The following PTPRD variants were observed in gnomAD, a reference collection of about 807,000 sequenced individuals.
The protein encoded by PTPRD is receptor-type tyrosine-protein phosphatase delta.
In PTPRD, 34 loss-of-function variants were observed where a neutral mutation model predicts 214.5. That is an observed-to-expected ratio of 0.16 (90% CI 0.12 to 0.21). The LOEUF (loss-of-function observed/expected upper bound fraction) is 0.21, where lower values mean the gene tolerates loss of function less well. PTPRD is among the 10% of genes least tolerant of loss of function. The probability of loss-of-function intolerance (pLI) is 1.00; values close to 1 mark genes in which losing one functional copy is unlikely to be tolerated. For synonymous variants in PTPRD, 1,128 were observed against 845.7 expected, an observed-to-expected ratio of 1.33 and a Z score of -5.79; for missense variants, 2,545 against 2,398.7, an observed-to-expected ratio of 1.06 and a Z score of -1.27.
intron 33 of PTPRD, among the ~76,000 whole-genome samples, chr9:8,450,648 T>C (rs1370947556): frequency 6.6e-6 from 1 of 152,190 alleles, no homozygotes; most frequent in East Asian, 1.9e-4. Flanking sequence ...CTAAAAGCTA[T>C]CTACTAGCTT....
intron 44 of PTPRD, among the ~76,000 whole-genome samples, chr9:8,331,140 A>G (rs1428195228): frequency 6.6e-6 from 1 of 152,174 alleles, no homozygotes; most frequent in African/African-American, 2.4e-5. Context: ...GAGGTACCAT[A>G]CTAAGCACTT....
chr9:10,081,666 C>G (rs1391582278), intron 3 of PTPRD, among the ~76,000 whole-genome samples: 2 of 152,020 alleles, frequency 1.3e-5, no homozygotes, highest in African/African-American at 4.8e-5. Context: ...ACCACCCAGT[C>G]TATGGTGCTT....
chr9:8,795,072 C>T (rs7032107), intron 11 of PTPRD, among the ~76,000 whole-genome samples: 12 of 151,928 alleles, frequency 7.9e-5, no homozygotes, highest in Non-Finnish European at 1.8e-4. Context: ...TCAAATCTTC[C>T]GCATTCATTT....
intron 3 of PTPRD, among the ~76,000 whole-genome samples, chr9:10,274,383 G>A (rs1032909017): frequency 2.0e-5 from 3 of 152,130 alleles, no homozygotes; most frequent in Non-Finnish European, 2.9e-5. Flanking sequence ...ATGACAACAG[G>A]AGGCTGTCTC....
intron 8 of PTPRD, among the ~76,000 whole-genome samples, chr9:9,492,171 G>A (rs1284312005): frequency 6.6e-6 from 1 of 150,998 alleles, no homozygotes; most frequent in East Asian, 1.9e-4. Flanking sequence ...TATAAACACA[G>A]AACCTCCCAA....
chr9:8,411,211 A>C (rs1049523010), intron 35 of PTPRD, among the ~76,000 whole-genome samples: 2 of 152,120 alleles, frequency 1.3e-5, no homozygotes, highest in African/African-American at 4.8e-5. Context: ...GTTCCAAATA[A>C]GAATCCAAAA....
intron 3 of PTPRD, among the ~76,000 whole-genome samples, chr9:10,207,984 A>G (rs922649630): frequency 6.6e-6 from 1 of 152,212 alleles, no homozygotes; most frequent in Non-Finnish European, 1.5e-5. Flanking sequence ...GCTTTGTATT[A>G]TTAACATTTT....
intron 12 of PTPRD, among the ~76,000 whole-genome samples, chr9:8,675,294 T>C (rs1037414677): frequency 6.6e-6 from 1 of 152,032 alleles, no homozygotes; most frequent in African/African-American, 2.4e-5. Flanking sequence ...ACCTATTTTA[T>C]GGAATTGCTA....
chr9:9,624,837 A>AG (rs149042966), intron 7 of PTPRD, among the ~76,000 whole-genome samples: 4 of 151,586 alleles, frequency 2.6e-5, no homozygotes, highest in Admixed American at 1.3e-4. Flanking sequence ...ATTGAAAAAA[A>AG]AAAAAAGTGG....
chr9:8,518,191 C>T lies in PTPRD; in HGVS notation c.1200G>A (p.Gly400=), dbSNP rs776962647. The change falls in exon 21 of 46, where the codon GGG becomes GGA. Residue 400 remains glycine (G), a synonymous_variant. Transcript: ENST00000381196. ...GCACAGGTTCGCTGGGAGGCCCCCGCCCAATGTTATTGACAGCAACAACCC... is the reference window on the plus strand; with the variant it reads ...GCACAGGTTCGCTGGGAGGCCCCCGTCCAATGTTATTGACAGCAACAACCC... ...EFRVVAVNNI[G]RGPPSEPVLT... is the part of the protein sequence containing the mutation. 1.2e-6 allele frequency: 2 copies of T among 1,614,012 alleles called. No homozygotes were observed. Among genetic ancestry groups the T allele is most frequent in the African/African-American group, 2.7e-5 (2 of 74,930 alleles).
intron 11 of PTPRD, among the ~76,000 whole-genome samples, chr9:8,819,302 G>C (rs921009274): frequency 2.0e-5 from 3 of 151,864 alleles, no homozygotes; most frequent in East Asian, 3.9e-4. Context: ...ACATATGTGA[G>C]GTAGACTGAT....
intron 9 of PTPRD, among the ~76,000 whole-genome samples, chr9:9,201,325 G>A (rs1337990185): frequency 6.6e-6 from 1 of 152,120 alleles, no homozygotes; most frequent in Non-Finnish European, 1.5e-5. Flanking sequence ...TTGGTGGCAA[G>A]GTCTTTCCTA....
chr9:9,349,786 A>C lies in PTPRD; in HGVS notation c.-203+47663T>G, dbSNP rs559942405. ...TTTTTTTGTGCTATAAATAATTGTAAATATGTCTCATCACCTATGGGGACA... is the reference window on the plus strand; with the variant it reads ...TTTTTTTGTGCTATAAATAATTGTACATATGTCTCATCACCTATGGGGACA... On this transcript the variant is annotated intron_variant, in intron 9 of 45. Coordinates refer to ENST00000381196, the MANE Select transcript of PTPRD (RefSeq NM_002839.4). 1.3e-4 allele frequency among the ~76,000 whole-genome samples: 20 copies of C among 151,980 alleles called. No homozygotes were observed. The East Asian group carries it at 3.7e-3, about 28-fold the overall frequency.
At chr9:8,924,734 C>T (rs892409915) in intron 11 of PTPRD, among the ~76,000 whole-genome samples, 6 of 152,066 alleles carry the variant, frequency 3.9e-5, no homozygotes, top group Admixed American at 6.6e-5. Flanking sequence ...CATCCCTACC[C>T]CCATCAATTT....
At chr9:10,115,907 CT>C (rs2098727169) in intron 3 of PTPRD, among the ~76,000 whole-genome samples, 1 of 151,930 alleles carries the variant, frequency 6.6e-6, no homozygotes, top group Non-Finnish European at 1.5e-5. Flanking sequence ...AACAAAATCT[CT>C]TTTGGCATGT....
At chr9:9,000,704 G>C (rs757728108) in intron 11 of PTPRD, among the ~76,000 whole-genome samples, 1 of 151,988 alleles carries the variant, frequency 6.6e-6, no homozygotes, top group East Asian at 1.9e-4. Flanking sequence ...ACATCTGACT[G>C]CTAAAAAACA....
chr9:9,116,406 G>C lies in PTPRD; in HGVS notation c.-143+66898C>G, dbSNP rs117502197. Among the ~76,000 whole-genome samples the C allele has an allele frequency of 4.0e-3, 616 of 152,202 alleles. 2 individuals carry two copies. The highest frequency in any genetic ancestry group is 0.017 in the East Asian group (89 of 5,158). ...ACCACATGTTCTCACTCATAAGTGA[G>C]AGCTCAGCTGAGTATGCACATGCAT... On this transcript the variant is annotated intron_variant, in intron 10 of 45. Coordinates refer to ENST00000381196, the MANE Select transcript of PTPRD (RefSeq NM_002839.4).
At position 9,537,618 on chromosome 9, in the gene PTPRD, C is replaced by A. The variant is rs544305004; in HGVS notation, c.-237+37114G>T. On this transcript the variant is annotated intron_variant, in intron 8 of 45. Transcript: ENST00000381196. The stretch of plus-strand genomic sequence containing the variant: ...CCTGTTCTTAGACTAAGGCATAGTT[C>A]AATAGAATTCCCAGTGAATTTACTG... 7.2e-4 allele frequency among the ~76,000 whole-genome samples: 109 copies of A among 152,014 alleles called. 1 individual carries two copies. The South Asian group carries it at 9.5e-3, about 13-fold the overall frequency.
chr9:9,329,878 A>G (rs1384701734), intron 9 of PTPRD, among the ~76,000 whole-genome samples: 1 of 152,224 alleles, frequency 6.6e-6, no homozygotes, highest in South Asian at 2.1e-4. Context: ...CATGTTCTAC[A>G]TAAGCCAATT....
Sources: allele counts gnomAD v4.1 joint callset (sites outside exome capture counted in the v4.1 genomes callset), GRCh38; gene constraint gnomAD v4.1.1; transcripts MANE v1.5; gene names NCBI Gene and HGNC (gene_info 2026-07-23, HGNC 2026-07-21).